The following PDS5B variants were observed in gnomAD, a reference collection of about 807,000 sequenced individuals.
The protein encoded by PDS5B is PDS5 cohesin associated factor B.
Under a neutral mutation model 184.1 loss-of-function variants are expected in PDS5B, and 51 were observed. The observed-to-expected ratio is 0.28, with a 90% confidence interval of 0.22 to 0.35. PDS5B has a LOEUF of 0.35. Ranked by LOEUF, PDS5B falls within the 10% of genes least tolerant of loss-of-function variation. PDS5B has a pLI of 1.00. For missense variants in PDS5B, 1,180 were observed against 1,723.3 expected (o/e 0.68, Z 5.58); for synonymous variants, 566 against 569.2 (o/e 0.99, Z 0.08).
chr13:32,750,556 C>A (rs1482846306), intron 24 of PDS5B, among the ~76,000 whole-genome samples: 1 of 151,878 alleles, frequency 6.6e-6, no homozygotes, highest in Non-Finnish European at 1.5e-5. Context: ...CCCCTCCTCC[C>A]CCCAAAATGG....
At chr13:32,716,685 C>T (rs1230030664) in intron 19 of PDS5B, among the ~76,000 whole-genome samples, 2 of 136,924 alleles carry the variant, frequency 1.5e-5, no homozygotes. Flanking sequence ...AGCCCCCCGC[C>T]CGGCCAGCTG....
intron 19 of PDS5B, among the ~76,000 whole-genome samples, chr13:32,711,407 G>A (rs1026887560): frequency 6.6e-6 from 1 of 151,986 alleles, no homozygotes; most frequent in Admixed American, 6.6e-5. Flanking sequence ...ACCCAGGTTA[G>A]AGTGCTGTGG....
chr13:32,734,013 C>CACAA (rs1430095241), intron 20 of PDS5B, among the ~76,000 whole-genome samples: 3 of 151,226 alleles, frequency 2.0e-5, no homozygotes, highest in Non-Finnish European at 4.4e-5. Flanking sequence ...CACACACACA[C>CACAA]AAACATATAT....
At chr13:32,685,919 C>T (rs966758483) in intron 11 of PDS5B, among the ~76,000 whole-genome samples, 6 of 152,152 alleles carry the variant, frequency 3.9e-5, no homozygotes, top group Non-Finnish European at 1.5e-5. Flanking sequence ...GGATTACAAG[C>T]ATGAGCCACC....
intron 21 of PDS5B, among the ~76,000 whole-genome samples, chr13:32,736,737 A>G (rs778161403): frequency 2.6e-5 from 4 of 151,972 alleles, no homozygotes; most frequent in South Asian, 2.1e-4. Context: ...CTGCAGTTCT[A>G]TTAACACACT....
At position 32,716,940 on chromosome 13, in the gene PDS5B, C is replaced by T. The variant is rs1182208002; in HGVS notation, c.2123+6834C>T. 1.4e-4 allele frequency among the ~76,000 whole-genome samples: 14 copies of T among 102,006 alleles called. 2 individuals carry two copies. The highest frequency in any genetic ancestry group is 7.4e-4 in the South Asian group (2 of 2,708). 66.9% of individuals were successfully genotyped at this position (102,006 alleles called of 152,430 possible). On this transcript the variant is annotated intron_variant, in intron 19 of 34. Coordinates refer to ENST00000315596, the MANE Select transcript of PDS5B (RefSeq NM_015032.4). The stretch of plus-strand genomic sequence containing the variant: ...CTGGGAAGTGAGGAGCCCTTTTGCC[C>T]GGCCAGCCACCCCGTCCGGGAGGGA...
chr13:32,615,190 A>G (rs564298074), intron 1 of PDS5B, among the ~76,000 whole-genome samples: 18 of 152,264 alleles, frequency 1.2e-4, no homozygotes, highest in Admixed American at 7.8e-4. Context: ...ACTCATATCT[A>G]TATATAGTTT....
At chr13:32,590,563 A>G (rs1281824058) in intron 1 of PDS5B, among the ~76,000 whole-genome samples, 1 of 152,192 alleles carries the variant, frequency 6.6e-6, no homozygotes, top group Non-Finnish European at 1.5e-5. Context: ...AGATCCCATA[A>G]GGAGAAGGAG....
chr13:32,728,648 C>CTACA (rs1320760409), intron 19 of PDS5B, among the ~76,000 whole-genome samples: 1 of 152,150 alleles, frequency 6.6e-6, no homozygotes, highest in African/African-American at 2.4e-5. Flanking sequence ...GTCATTTGTA[C>CTACA]TACAGCCTAG....
chr13:32,773,995 G>A (rs1954877797), intron 34 of PDS5B, among the ~76,000 whole-genome samples: 1 of 152,080 alleles, frequency 6.6e-6, no homozygotes, highest in African/African-American at 2.4e-5. Context: ...GTGCAGACAG[G>A]GTTTTACCAT....
intron 30 of PDS5B, among the ~76,000 whole-genome samples, chr13:32,761,178 C>A (rs556095744): frequency 4.6e-5 from 7 of 152,142 alleles, no homozygotes; most frequent in African/African-American, 1.4e-4. Context: ...TTTTTATATG[C>A]ATAGAAAGTT....
chr13:32,734,822 T>C (rs1277294519), intron 20 of PDS5B, among the ~76,000 whole-genome samples: 1 of 152,164 alleles, frequency 6.6e-6, no homozygotes, highest in African/African-American at 2.4e-5. Context: ...GAAATTGAAG[T>C]GGATATTGGT....
intron 1 of PDS5B, among the ~76,000 whole-genome samples, chr13:32,612,812 G>A (rs996836010): frequency 2.0e-5 from 3 of 152,120 alleles, no homozygotes; most frequent in African/African-American, 7.2e-5. Context: ...ATTAGACGCT[G>A]GCCCCTCAAT....
At chr13:32,738,430 C>G (rs1017381728) in intron 21 of PDS5B, among the ~76,000 whole-genome samples, 2 of 152,142 alleles carry the variant, frequency 1.3e-5, no homozygotes, top group Admixed American at 6.5e-5. Flanking sequence ...ATGTGCATTT[C>G]TGTGGTTACT....
chr13:32,600,979 C>G (rs745864316), intron 1 of PDS5B, among the ~76,000 whole-genome samples: 3 of 152,172 alleles, frequency 2.0e-5, no homozygotes, highest in Admixed American at 6.5e-5. Context: ...TACCGTAGCT[C>G]TCTCCTTTGA....
intron 13 of PDS5B, among the ~76,000 whole-genome samples, chr13:32,692,417 T>A (rs1160689000): frequency 0.051 from 3,510 of 69,406 alleles, 385 homozygotes; most frequent in African/African-American, 0.18. Flanking sequence ...CAAAAAGCCT[T>A]TTTTTTTTTT....
chr13:32,718,375 C>T (rs1952554644), intron 19 of PDS5B, among the ~76,000 whole-genome samples: 1 of 152,290 alleles, frequency 6.6e-6, no homozygotes, highest in African/African-American at 2.4e-5. Flanking sequence ...TGCTCTCGAT[C>T]TCCTGACCTT....
chr13:32,684,986 G>A (rs892318296), intron 11 of PDS5B, among the ~76,000 whole-genome samples: 4 of 152,124 alleles, frequency 2.6e-5, no homozygotes, highest in East Asian at 1.9e-4. Context: ...GGTGGCGGGC[G>A]CCTGTAGTCC....
intron 33 of PDS5B, 80 bp from the exon 34 acceptor site, chr13:32,773,109 T>TA (rs1157332425): frequency 1.8e-5 from 22 of 1,200,088 alleles, no homozygotes; most frequent in Non-Finnish European, 2.3e-5. Flanking sequence ...GACGATGAAA[T>TA]ACGTGAAACA....
Sources: gnomAD v4.1 joint callset for allele counts (sites outside exome capture counted in the v4.1 genomes callset) on GRCh38, gnomAD v4.1.1 for gene constraint, MANE v1.5 for transcripts, NCBI Gene and HGNC (gene_info 2026-07-23, HGNC 2026-07-21) for gene names.